CEP126: variants seen among roughly 807,000 people sequenced by gnomAD.
The protein encoded by CEP126 is centrosomal protein 126.
CEP126 carries 74 observed loss-of-function variants against 107.8 expected under a neutral mutation model. The observed-to-expected ratio is 0.69, with a 90% CI of 0.57 to 0.83. CEP126 has a LOEUF of 0.83. CEP126 is among the 40% of genes least tolerant of loss of function. CEP126 has a pLI of 0.00. For missense variants in CEP126, 1,237 were observed against 1,281.9 expected (o/e 0.96, Z 0.53); for synonymous variants, 449 against 446.0 (o/e 1.01, Z -0.08).
At position 101,944,256 on chromosome 11, in the gene CEP126, T is replaced by C; in HGVS notation, c.249-9T>C. The C allele has an allele frequency of 6.4e-7, 1 of 1,559,248 alleles. No individual in the cohort carries two copies. The highest frequency in any genetic ancestry group is 1.3e-5 in the South Asian group (1 of 79,510). ...TATTTCTGTTGCCTACTTTGTGTTT[T>C]AAATATAGAGCTTTTGAGGAGAAAC... On this transcript the variant is annotated splice_polypyrimidine_tract_variant and intron_variant, in intron 2 of 10. Transcript: ENST00000263468.
chr11:101,925,030 GAGTCCCCTTTGTTTCCCTCCA>G (rs1481424216), intron 2 of CEP126, among the ~76,000 whole-genome samples: 1 of 151,990 alleles, frequency 6.6e-6, no homozygotes, highest in African/African-American at 2.4e-5. Context: ...CTATACAATG[GAGTCCCCTTTGTTTCCCTCCA>G]AGTCCCCTTT....
At chr11:101,992,902 C>A in intron 10 of CEP126, 60 bp downstream of exon 10, 1 of 1,403,528 alleles carries the variant, frequency 7.1e-7, no homozygotes. Context: ...TTTATGTACA[C>A]ATCAATACAG....
At chr11:101,984,798 C>T (rs888698334) in intron 8 of CEP126, among the ~76,000 whole-genome samples, 5 of 152,126 alleles carry the variant, frequency 3.3e-5, no homozygotes, top group African/African-American at 1.2e-4. Flanking sequence ...CCTAGAGGAC[C>T]CACTTCCTTG....
chr11:101,986,400 G>T (rs1471888232), intron 8 of CEP126, among the ~76,000 whole-genome samples: 1 of 152,184 alleles, frequency 6.6e-6, no homozygotes, highest in Non-Finnish European at 1.5e-5. Flanking sequence ...TTTCTAGGCT[G>T]TCAGTTCTGT....
Position 101,952,827 on chromosome 11 carries a change from G to A in CEP126, c.506+4685G>A, listed in dbSNP as rs116326023. On this transcript the variant is annotated intron_variant, in intron 4 of 10. Coordinates refer to ENST00000263468, the MANE Select transcript of CEP126 (RefSeq NM_020802.4). The stretch of plus-strand genomic sequence containing the variant: ...ATGAATGAATAAAGTTAAAGTCATG[G>A]CAGTATCTGCCAGTGGTATTCTTAG... 2.5e-3 allele frequency among the ~76,000 whole-genome samples: 383 copies of A among 152,256 alleles called. 2 individuals carry two copies. Among genetic ancestry groups the A allele is most frequent in the African/African-American group, 8.8e-3 (366 of 41,560 alleles).
At chr11:101,946,330 A>G (rs1940735815) in intron 3 of CEP126, among the ~76,000 whole-genome samples, 1 of 151,646 alleles carries the variant, frequency 6.6e-6, no homozygotes, top group Non-Finnish European at 1.5e-5. Context: ...CAACATGATG[A>G]AACTCAATCT....
intron 4 of CEP126, chr11:101,956,399 G>C (rs1292668971): frequency 2.2e-6 from 1 of 456,162 alleles, no homozygotes; most frequent in African/African-American, 2.0e-5. Context: ...TGCTAGCTTG[G>C]ATCCTTTTCA....
At chr11:101,993,686 TC>T (rs1941411326) in intron 10 of CEP126, among the ~76,000 whole-genome samples, 1 of 152,210 alleles carries the variant, frequency 6.6e-6, no homozygotes, top group Admixed American at 6.5e-5. Context: ...GTATAAGCAT[TC>T]CCTTTTCTCC....
At chr11:101,951,612 A>G (rs1740037739) in intron 4 of CEP126, among the ~76,000 whole-genome samples, 1 of 152,108 alleles carries the variant, frequency 6.6e-6, no homozygotes, top group South Asian at 2.1e-4. Flanking sequence ...ACAGAATAGA[A>G]GCAGAAAGAA....
At chr11:101,964,436 C>A (rs1350567760) in intron 6 of CEP126, among the ~76,000 whole-genome samples, 1 of 151,742 alleles carries the variant, frequency 6.6e-6, no homozygotes, top group Non-Finnish European at 1.5e-5. Flanking sequence ...AAGTTCGAGA[C>A]CAGCCTGGCC....
intron 6 of CEP126, among the ~76,000 whole-genome samples, chr11:101,974,139 AACAC>A (rs112064654): frequency 8.2e-5 from 12 of 145,586 alleles, no homozygotes; most frequent in South Asian, 2.2e-4. Context: ...TTCTTTGTTA[AACAC>A]ACACACACAC....
intron 9 of CEP126, among the ~76,000 whole-genome samples, chr11:101,988,903 T>C (rs1224103805): frequency 6.6e-6 from 1 of 152,144 alleles, no homozygotes. Flanking sequence ...AAAATATTTT[T>C]AACCACGGTG....
intron 6 of CEP126, among the ~76,000 whole-genome samples, chr11:101,965,998 CAT>C (rs541869714): frequency 3.8e-4 from 58 of 151,994 alleles, no homozygotes; most frequent in Non-Finnish European, 7.5e-4. Context: ...AAAAGGGTAA[CAT>C]ATTAAAATTA....
At chr11:101,940,409 C>A (rs1940647407) in intron 2 of CEP126, among the ~76,000 whole-genome samples, 2 of 152,086 alleles carry the variant, frequency 1.3e-5, no homozygotes, top group South Asian at 4.1e-4. Context: ...AACATTTCTC[C>A]CCATCTCTAC....
In CEP126 at chr11:101,961,828, T is replaced by G; in HGVS notation, c.793T>G (p.Tyr265Asp). ...SLEATEHEEI[Y>D]LTLNKEHSTS... ...TGAGGCTACAGAGCATGAAGAAATA[T>G]ATTTAACACTTAATAAGGAGCATTC... Residue 265 changes from tyrosine to aspartate, a missense_variant, in exon 6 of 11, where the codon TAT (tyrosine) becomes GAT (aspartate). Tyr to Asp is a radical substitution (Grantham distance 160). Transcript: ENST00000263468. The G allele has an allele frequency of 1.9e-6, 3 of 1,610,878 alleles. No homozygotes were observed. The Middle Eastern group carries it at 5.0e-4, about 266-fold the overall frequency.
At chr11:101,945,372 A>G (rs139168280) in intron 3 of CEP126, among the ~76,000 whole-genome samples, 148 of 152,260 alleles carry the variant, frequency 9.7e-4, no homozygotes, top group African/African-American at 3.3e-3. Flanking sequence ...AAAAATGGAT[A>G]TGAAGCTAGA....
intron 2 of CEP126, among the ~76,000 whole-genome samples, chr11:101,931,393 T>G (rs759559956): frequency 2.0e-5 from 3 of 152,270 alleles, no homozygotes; most frequent in Non-Finnish European, 1.5e-5. Context: ...TTCAAATAAT[T>G]TTATGTCTCG....
intron 2 of CEP126, among the ~76,000 whole-genome samples, chr11:101,928,534 C>T (rs1940444821): frequency 6.6e-6 from 1 of 152,108 alleles, no homozygotes; most frequent in African/African-American, 2.4e-5. Flanking sequence ...TTTAGTTAAT[C>T]TTTCTATAAA....
rs771545782 is a variant in CEP126, at chr11:101,997,641, T to C, written c.3352T>C (p.Ter1118GlnextTer15). The C allele has an allele frequency of 6.2e-7, 1 of 1,613,910 alleles. No homozygotes were observed. Among genetic ancestry groups the C allele is most frequent in the South Asian group, 1.1e-5 (1 of 91,084 alleles). Residue 1118 changes from the stop codon to glutamine, a stop_lost, in exon 11 of 11, where the codon TAA becomes CAA. Coordinates refer to ENST00000263468, the MANE Select transcript of CEP126 (RefSeq NM_020802.4). ...AACCAGCAGCTGCAGAGACAAGAGA[T>C]AATTCCAGCAGAATCCGTCTAAGAA... ...DRTSSCRDKR[*>Q]
Sources: gnomAD v4.1 joint callset for allele counts (sites outside exome capture counted in the v4.1 genomes callset) on GRCh38, gnomAD v4.1.1 for gene constraint, MANE v1.5 for transcripts, NCBI Gene and HGNC (gene_info 2026-07-23, HGNC 2026-07-21) for gene names.